The following CSMD1 variants were observed in gnomAD, a reference collection of about 807,000 sequenced individuals.
CSMD1 encodes the protein CUB and Sushi multiple domains 1.
A neutral mutation model predicts 417.5 loss-of-function variants in CSMD1; 213 were observed. That is an observed-to-expected ratio of 0.51 (90% CI 0.46 to 0.57). CSMD1 has a LOEUF of 0.57. Ranked by LOEUF, CSMD1 falls within the 20% of genes least tolerant of loss-of-function variation. The pLI, the probability that CSMD1 is intolerant of heterozygous loss-of-function variation, is 0.00. For synonymous variants in CSMD1, 2,862 were observed against 1,736.8 expected, an observed-to-expected ratio of 1.65 and a Z score of -16.11; for missense variants, 6,923 against 4,529.7, an observed-to-expected ratio of 1.53 and a Z score of -15.17.
rs1310766142 is a variant in CSMD1 at position 4,460,510 on chromosome 8, A to G, written c.303-40445T>C. 1.8e-4 allele frequency among the ~76,000 whole-genome samples: 27 copies of G among 152,154 alleles called. 1 individual carries two copies. The highest frequency in any genetic ancestry group is 4.4e-5 in the Non-Finnish European group (3 of 68,022). On this transcript the variant is annotated intron_variant, in intron 2 of 69. Coordinates refer to ENST00000635120, the MANE Select transcript of CSMD1 (RefSeq NM_033225.6). The stretch of plus-strand genomic sequence containing the variant: ...TCAAGTATACAATAGAAAAAAATGA[A>G]CGTAAGCAAATTCAAAGAAATTTTT...
chr8:3,620,485 TTATA>T (rs1466879715), intron 7 of CSMD1, among the ~76,000 whole-genome samples: 1 of 152,176 alleles, frequency 6.6e-6, no homozygotes, highest in Non-Finnish European at 1.5e-5. Flanking sequence ...AATAGTTACA[TTATA>T]TATAAAGATG....
At chr8:4,936,552 G>C (rs1807635709) in intron 1 of CSMD1, among the ~76,000 whole-genome samples, 1 of 152,178 alleles carries the variant, frequency 6.6e-6, no homozygotes. Flanking sequence ...TTTGGAGGTA[G>C]AAATTCATAA....
chr8:3,466,515 T>A (rs1352289626), intron 12 of CSMD1, among the ~76,000 whole-genome samples: 1 of 151,954 alleles, frequency 6.6e-6, no homozygotes, highest in Non-Finnish European at 1.5e-5. Context: ...GTTCAAGCGA[T>A]TCTTCTGCCC....
chr8:4,619,644 G>T (rs1342819845), intron 2 of CSMD1, among the ~76,000 whole-genome samples: 1 of 152,034 alleles, frequency 6.6e-6, no homozygotes, highest in Admixed American at 6.6e-5. Context: ...AGCCACATGG[G>T]ACGTCATATT....
chr8:3,606,657 T>C (rs1319427999), intron 8 of CSMD1, among the ~76,000 whole-genome samples: 7 of 152,062 alleles, frequency 4.6e-5, no homozygotes, highest in African/African-American at 1.7e-4. Flanking sequence ...TTAATGCTTT[T>C]CTTTCTTCAA....
chr8:3,031,614 G>T (rs997928826), intron 50 of CSMD1, among the ~76,000 whole-genome samples: 1 of 151,882 alleles, frequency 6.6e-6, no homozygotes, highest in Admixed American at 6.6e-5. Flanking sequence ...GGCCCACGCT[G>T]GTCCTGAAGT....
At chr8:3,435,704 T>C (rs1291962957) in intron 12 of CSMD1, among the ~76,000 whole-genome samples, 2 of 152,034 alleles carry the variant, frequency 1.3e-5, no homozygotes, top group East Asian at 3.9e-4. Context: ...CACCCAGACC[T>C]CCTTCCCATC....
intron 3 of CSMD1, among the ~76,000 whole-genome samples, chr8:4,110,977 A>G (rs545603550): frequency 4.6e-5 from 7 of 152,312 alleles, no homozygotes; most frequent in Admixed American, 1.3e-4. Context: ...CTAAAATGCA[A>G]TCTGAGCTGG....
At chr8:4,388,229 C>T (rs1803598106) in intron 3 of CSMD1, among the ~76,000 whole-genome samples, 1 of 151,724 alleles carries the variant, frequency 6.6e-6, no homozygotes, top group Non-Finnish European at 1.5e-5. Context: ...TGCGTGTTTA[C>T]AGTGGAATTC....
intron 5 of CSMD1, among the ~76,000 whole-genome samples, chr8:3,774,184 C>G (rs543536841): frequency 6.6e-6 from 1 of 152,154 alleles, no homozygotes. Flanking sequence ...ACCTGCACCG[C>G]CTGACCCTTC....
At chr8:4,254,009 A>C (rs1803268167) in intron 3 of CSMD1, among the ~76,000 whole-genome samples, 1 of 136,316 alleles carries the variant, frequency 7.3e-6, no homozygotes, top group South Asian at 2.4e-4. Flanking sequence ...CTCTGCCTCC[A>C]GGGTTCATGC....
At chr8:4,226,173 T>G (rs1801344070) in intron 3 of CSMD1, among the ~76,000 whole-genome samples, 2 of 151,932 alleles carry the variant, frequency 1.3e-5, no homozygotes, top group African/African-American at 4.8e-5. Flanking sequence ...ATCTTACTCT[T>G]AGCAACTTAA....
At chr8:4,604,933 T>G (rs1459576571) in intron 2 of CSMD1, among the ~76,000 whole-genome samples, 2 of 152,196 alleles carry the variant, frequency 1.3e-5, no homozygotes, top group Admixed American at 6.5e-5. Context: ...TGTCAGATTC[T>G]TTGCCAGAGA....
chr8:3,394,297 T>C (rs1299962240), intron 17 of CSMD1, among the ~76,000 whole-genome samples: 1 of 148,296 alleles, frequency 6.7e-6, no homozygotes, highest in African/African-American at 2.5e-5. Context: ...AAAATATTAT[T>C]ATTATAATAT....
At chr8:3,125,756 T>A (rs1342923435) in intron 41 of CSMD1, among the ~76,000 whole-genome samples, 3 of 152,142 alleles carry the variant, frequency 2.0e-5, no homozygotes, top group African/African-American at 7.2e-5. Flanking sequence ...GTGGGCAGAT[T>A]ACCTGAGATC....
intron 1 of CSMD1, among the ~76,000 whole-genome samples, chr8:4,790,584 C>A (rs1466579511): frequency 6.6e-6 from 1 of 152,186 alleles, no homozygotes; most frequent in African/African-American, 2.4e-5. Flanking sequence ...TTAAGCTATA[C>A]AACCAAGCTA....
chr8:4,778,305 G>C (rs116638932), intron 1 of CSMD1, among the ~76,000 whole-genome samples: 208 of 152,216 alleles, frequency 1.4e-3, no homozygotes, highest in African/African-American at 4.9e-3. Flanking sequence ...AAAAAGGTCA[G>C]AGCTATTTGA....
intron 10 of CSMD1, among the ~76,000 whole-genome samples, chr8:3,572,472 A>C (rs1799985981): frequency 6.6e-6 from 1 of 152,148 alleles, no homozygotes; most frequent in Non-Finnish European, 1.5e-5. Context: ...CAGCGTTTCT[A>C]ATTTTATGTA....
intron 8 of CSMD1, among the ~76,000 whole-genome samples, chr8:3,604,837 C>A (rs1000512236): frequency 6.6e-6 from 1 of 152,130 alleles, no homozygotes; most frequent in Non-Finnish European, 1.5e-5. Flanking sequence ...ATGAAGACAA[C>A]AGTGAGAGTT....
Sources: gnomAD v4.1 joint callset for allele counts (sites outside exome capture counted in the v4.1 genomes callset) on GRCh38, gnomAD v4.1.1 for gene constraint, MANE v1.5 for transcripts, NCBI Gene and HGNC (gene_info 2026-07-23, HGNC 2026-07-21) for gene names.